The following GABBR2 variants were observed in gnomAD, a reference collection of about 807,000 sequenced individuals.
GABBR2 encodes the protein gamma-aminobutyric acid type B receptor subunit 2.
A neutral mutation model predicts 105.6 loss-of-function variants in GABBR2; 23 were observed. The ratio of observed to expected loss-of-function variants is 0.22; its 90% CI spans 0.16 to 0.31. The LOEUF (loss-of-function observed/expected upper bound fraction) is 0.31, where lower values mean the gene tolerates loss of function less well. GABBR2 is among the 10% of genes least tolerant of loss of function. The pLI is 1.00. For missense variants in GABBR2, 734 were observed against 1,245.5 expected (o/e 0.59, Z 6.18); for synonymous variants, 478 against 499.7 (o/e 0.96, Z 0.58).
At chr9:98,511,251 A>G (rs975832798) in intron 3 of GABBR2, among the ~76,000 whole-genome samples, 3 of 150,302 alleles carry the variant, frequency 2.0e-5, no homozygotes, top group Admixed American at 2.0e-4. Flanking sequence ...GACACATTCA[A>G]AGCAGTGTGT....
intron 2 of GABBR2, 89 bp downstream of exon 2, chr9:98,577,846 A>C (rs969021436): frequency 3.7e-5 from 50 of 1,334,282 alleles, no homozygotes; most frequent in Non-Finnish European, 4.7e-5. Flanking sequence ...GGCAACATAG[A>C]AACCACATTG....
intron 6 of GABBR2, among the ~76,000 whole-genome samples, chr9:98,467,929 A>G (rs553717645): frequency 6.6e-6 from 1 of 152,244 alleles, no homozygotes; most frequent in East Asian, 1.9e-4. Flanking sequence ...ATGCTCACAA[A>G]GGAAACAAAA....
chr9:98,368,831 C>A (rs889718729), intron 12 of GABBR2, among the ~76,000 whole-genome samples: 1 of 152,190 alleles, frequency 6.6e-6, no homozygotes, highest in African/African-American at 2.4e-5. Context: ...AGTGGCTCTC[C>A]AGCCTTGGCT....
At chr9:98,569,462 C>T (rs1828796572) in intron 2 of GABBR2, among the ~76,000 whole-genome samples, 2 of 152,226 alleles carry the variant, frequency 1.3e-5, no homozygotes, top group African/African-American at 4.8e-5. Context: ...CAGAGATCTG[C>T]TTCTAGTAAA....
chr9:98,390,375 C>CAAAA lies in GABBR2; in HGVS notation c.1379-1375_1379-1372dup, dbSNP rs61216428. On this transcript the variant is annotated intron_variant, in intron 9 of 18. Transcript: ENST00000259455. ...GGTGACAGAGCAAGACTCCATCTCACAAAAAAAAAAAAAAAAAAAAAAAAA... is the reference window on the plus strand; with the variant it reads ...GGTGACAGAGCAAGACTCCATCTCACAAAAAAAAAAAAAAAAAAAAAAAAAAAAA... Among the ~76,000 whole-genome samples, 84 of 32,430 alleles carry CAAAA rather than the reference C, an allele frequency of 2.6e-3. 6 individuals are homozygous for CAAAA. Among genetic ancestry groups the CAAAA allele is most frequent in the Non-Finnish European group, 4.0e-3 (62 of 15,632 alleles). 21.3% of individuals were successfully genotyped at this position (32,430 alleles called of 152,430 possible). A position where few individuals can be genotyped will look rare whatever the true frequency, so the allele number is the denominator to read the frequency against.
At chr9:98,707,140 C>T (rs948235370) in intron 1 of GABBR2, 5 of 152,218 alleles carry the variant, frequency 3.3e-5, no homozygotes, top group Non-Finnish European at 5.9e-5. Flanking sequence ...CTAGATTCTG[C>T]TCTTTCTCTG....
At chr9:98,460,979 ACAATGGAATGACATCTTCAGTGC>A (rs1160679647) in intron 6 of GABBR2, among the ~76,000 whole-genome samples, 9 of 152,358 alleles carry the variant, frequency 5.9e-5, no homozygotes, top group African/African-American at 2.2e-4. Context: ...AAGCCAGAAG[ACAATGGAATGACATCTTCAGTGC>A]CAAAAGAAAA....
chr9:98,578,671 C>G (rs1828955321), intron 1 of GABBR2, among the ~76,000 whole-genome samples: 1 of 152,128 alleles, frequency 6.6e-6, no homozygotes, highest in East Asian at 1.9e-4. Context: ...ATGTTCATAG[C>G]AGTATCATTC....
intron 18 of GABBR2, among the ~76,000 whole-genome samples, chr9:98,291,541 C>G (rs780803138): frequency 8.5e-5 from 13 of 152,160 alleles, no homozygotes; most frequent in African/African-American, 2.9e-4. Flanking sequence ...ACAGGCTCTT[C>G]CAGCTTCTTT....
At chr9:98,569,588 A>G (rs1404550159) in intron 2 of GABBR2, among the ~76,000 whole-genome samples, 1 of 152,204 alleles carries the variant, frequency 6.6e-6, no homozygotes, top group East Asian at 1.9e-4. Context: ...CCCATTTTAC[A>G]TAACAGGAAA....
chr9:98,501,944 C>A (rs146554310), intron 3 of GABBR2, among the ~76,000 whole-genome samples: 34 of 152,248 alleles, frequency 2.2e-4, no homozygotes, highest in African/African-American at 7.5e-4. Flanking sequence ...ACAGCAGAGA[C>A]GAGCGCGTCT....
At chr9:98,606,030 T>C (rs999370495) in intron 1 of GABBR2, among the ~76,000 whole-genome samples, 13 of 152,116 alleles carry the variant, frequency 8.5e-5, no homozygotes, top group Non-Finnish European at 1.6e-4. Context: ...CGGTGTTTGG[T>C]TTTTTGTCCT....
At chr9:98,581,456 C>T (rs1829002190) in intron 1 of GABBR2, among the ~76,000 whole-genome samples, 1 of 146,084 alleles carries the variant, frequency 6.8e-6, no homozygotes, top group Admixed American at 6.8e-5. Context: ...AATTTATTTC[C>T]CCAAGAAAGA....
chr9:98,595,341 A>G (rs944355849), intron 1 of GABBR2, among the ~76,000 whole-genome samples: 1 of 151,730 alleles, frequency 6.6e-6, no homozygotes, highest in African/African-American at 2.4e-5. Flanking sequence ...TAATACCATC[A>G]GTTTGGGGGC....
intron 3 of GABBR2, among the ~76,000 whole-genome samples, chr9:98,532,524 G>C (rs1828086399): frequency 6.6e-6 from 1 of 152,154 alleles, no homozygotes; most frequent in Non-Finnish European, 1.5e-5. Flanking sequence ...CAGCCAGGAG[G>C]GATGCCAAGG....
At chr9:98,517,498 G>A (rs758987279) in intron 3 of GABBR2, among the ~76,000 whole-genome samples, 3 of 152,182 alleles carry the variant, frequency 2.0e-5, no homozygotes, top group South Asian at 2.1e-4. Flanking sequence ...CTGAGAGCCC[G>A]AAACGCAGCT....
At chr9:98,339,611 G>A (rs767996785) in intron 13 of GABBR2, among the ~76,000 whole-genome samples, 8 of 152,198 alleles carry the variant, frequency 5.3e-5, no homozygotes, top group East Asian at 1.9e-4. Context: ...TGGCAATAGC[G>A]TCTGCAGAAC....
chr9:98,514,740 G>GTA (rs939894654), intron 3 of GABBR2, among the ~76,000 whole-genome samples: 3 of 151,818 alleles, frequency 2.0e-5, no homozygotes, highest in Admixed American at 1.3e-4. Flanking sequence ...CATGGCACAT[G>GTA]TATATATATG....
In GABBR2 at chr9:98,388,209, G is replaced by A. The variant is rs933320227; in HGVS notation, c.1529+645C>T. Among the ~76,000 whole-genome samples, 8 of 152,238 alleles carry A rather than the reference G, an allele frequency of 5.3e-5. No individual in the cohort carries two copies. The highest frequency in any genetic ancestry group is 1.4e-4 in the African/African-American group (6 of 41,470). The stretch of plus-strand genomic sequence containing the variant: ...CTCTCCTCTGGAGAATTAAGGGCAC[G>A]TGGTGGGGAAAAGAAATTAAGACAA... On this transcript the variant is annotated intron_variant, in intron 10 of 18. Coordinates refer to ENST00000259455, the MANE Select transcript of GABBR2 (RefSeq NM_005458.8). This position sits in a 1 kb window ranked among gnomAD's most constrained non-coding sequence, Gnocchi z 4.4.
Sources: gnomAD v4.1 joint callset for allele counts (sites outside exome capture counted in the v4.1 genomes callset) on GRCh38, gnomAD v4.1.1 for gene constraint, Gnocchi (gnomAD v3.1) non-coding constraint, MANE v1.5 for transcripts, NCBI Gene and HGNC (gene_info 2026-07-23, HGNC 2026-07-21) for gene names.